The following MRPS28 variants were observed in gnomAD, a reference collection of about 807,000 sequenced individuals.
MRPS28 encodes mitochondrial ribosomal protein S28.
In MRPS28, 7 loss-of-function variants were observed where a neutral mutation model predicts 10.8. The observed-to-expected ratio is 0.65, with a 90% confidence interval of 0.37 to 1.22. The LOEUF is 1.22. MRPS28 is among the 50% of genes most tolerant of loss of function. The pLI is 0.02. For missense variants in MRPS28, 265 were observed against 232.9 expected, an observed-to-expected ratio of 1.14 and a Z score of -0.90; for synonymous variants, 121 against 93.3, an observed-to-expected ratio of 1.30 and a Z score of -1.71.
chr8:79,974,303 G>A (rs1238038813), intron 2 of MRPS28, among the ~76,000 whole-genome samples: 1 of 152,100 alleles, frequency 6.6e-6, no homozygotes, highest in African/African-American at 2.4e-5. Context: ...AACTTTGGGA[G>A]GCCGAGGTGG....
chr8:80,014,029 G>T (rs1809131122), intron 1 of MRPS28, among the ~76,000 whole-genome samples: 1 of 152,126 alleles, frequency 6.6e-6, no homozygotes, highest in Non-Finnish European at 1.5e-5. Context: ...CTTTCTAGTG[G>T]ACAGAAAGCA....
At chr8:80,002,969 C>G in intron 2 of MRPS28, 30 bp downstream of exon 2, 1 of 1,512,288 alleles carries the variant, frequency 6.6e-7, no homozygotes, top group Admixed American at 2.3e-5. Flanking sequence ...TATGAATACT[C>G]TTAAGGTACT....
At position 79,988,093 on chromosome 8, in the gene MRPS28, T is replaced by G. The variant is rs553211833; in HGVS notation, c.395+14906A>C. Among the ~76,000 whole-genome samples, 323 of 151,830 alleles carry G rather than the reference T, an allele frequency of 2.1e-3. 1 individual carries two copies. The highest frequency in any genetic ancestry group is 7.5e-3 in the African/African-American group (312 of 41,396). Reference sequence around the variant, plus strand: ...TACACCATGGAATACTATGCAGCCATAAAAAATGATGAGTTCATGTCCTTT... The same window carrying G: ...TACACCATGGAATACTATGCAGCCAGAAAAAATGATGAGTTCATGTCCTTT... On this transcript the variant is annotated intron_variant, in intron 2 of 2. Coordinates refer to ENST00000276585, the MANE Select transcript of MRPS28 (RefSeq NM_014018.3).
chr8:79,968,826 A>G (rs1312758647), intron 2 of MRPS28, among the ~76,000 whole-genome samples: 1 of 152,146 alleles, frequency 6.6e-6, no homozygotes, highest in Non-Finnish European at 1.5e-5. Flanking sequence ...AAGAGACAGT[A>G]TAGTGTGGCC....
At position 79,968,520 on chromosome 8, in the gene MRPS28, C is replaced by A. The variant is rs188597790; in HGVS notation, c.395+34479G>T. Among the ~76,000 whole-genome samples the A allele has an allele frequency of 3.7e-3, 559 of 152,240 alleles. 4 individuals carry two copies. Among genetic ancestry groups the A allele is most frequent in the Non-Finnish European group, 5.6e-3 (380 of 68,016 alleles). On this transcript the variant is annotated intron_variant, in intron 2 of 2. Transcript: ENST00000276585. ...TGTTCTATAATATAAAGTCCAGACTCCCTGAATAGAACACAAGTCAATTCA... is the reference window on the plus strand; with the variant it reads ...TGTTCTATAATATAAAGTCCAGACTACCTGAATAGAACACAAGTCAATTCA...
intron 1 of MRPS28, among the ~76,000 whole-genome samples, chr8:80,006,528 G>A (rs527480501): frequency 1.3e-5 from 2 of 152,124 alleles, no homozygotes; most frequent in Non-Finnish European, 2.9e-5. Flanking sequence ...CGCTAGCAAG[G>A]CTAATAAAGA....
intron 2 of MRPS28, among the ~76,000 whole-genome samples, chr8:79,971,808 C>T (rs950843593): frequency 2.6e-5 from 4 of 152,178 alleles, no homozygotes; most frequent in African/African-American, 9.7e-5. Context: ...AGCAATCCTC[C>T]TGCCTCAGCC....
At chr8:79,976,330 G>A (rs985835955) in intron 2 of MRPS28, among the ~76,000 whole-genome samples, 2 of 152,132 alleles carry the variant, frequency 1.3e-5, no homozygotes, top group Admixed American at 6.5e-5. Flanking sequence ...TGATCTGCCT[G>A]CCTCGGCCTC....
chr8:79,922,056 T>C (rs1810108964), intron 2 of MRPS28, among the ~76,000 whole-genome samples: 1 of 152,260 alleles, frequency 6.6e-6, no homozygotes, highest in Admixed American at 6.5e-5. Flanking sequence ...TTTTTGTCGT[T>C]GGTTCTGTTT....
chr8:79,958,363 A>C, intron 2 of MRPS28: 1 of 698,920 alleles, frequency 1.4e-6, no homozygotes. Flanking sequence ...TTCCAAAGTC[A>C]GAGTTGGAAG....
intron 2 of MRPS28, among the ~76,000 whole-genome samples, chr8:79,994,996 T>C (rs1024049708): frequency 6.6e-6 from 1 of 152,184 alleles, no homozygotes; most frequent in African/African-American, 2.4e-5. Flanking sequence ...CCAGTTCTAT[T>C]GTTAGTTCCT....
chr8:79,988,022 CA>C (rs1198533949), intron 2 of MRPS28, among the ~76,000 whole-genome samples: 2 of 151,974 alleles, frequency 1.3e-5, no homozygotes, highest in Non-Finnish European at 2.9e-5. Flanking sequence ...GGAACCAACC[CA>C]AATGTCCAAC....
At chr8:79,931,471 C>T (rs940460872) in intron 2 of MRPS28, among the ~76,000 whole-genome samples, 13 of 152,258 alleles carry the variant, frequency 8.5e-5, no homozygotes, top group South Asian at 4.1e-4. Context: ...GGATAACAAA[C>T]GGACAGTGTT....
At chr8:79,997,408 A>ACAGTGTCC in intron 2 of MRPS28, among the ~76,000 whole-genome samples, 1 of 152,290 alleles carries the variant, frequency 6.6e-6, no homozygotes, top group East Asian at 1.9e-4. Flanking sequence ...TTCCTCACAT[A>ACAGTGTCC]ACAATACCCA....
In MRPS28 at chr8:79,933,050, C is replaced by A. The variant is rs4740050; in HGVS notation, c.396-13902G>T. Among the ~76,000 whole-genome samples, 541 of 152,296 alleles carry A rather than the reference C, an allele frequency of 3.6e-3. 16 individuals are homozygous for A. Among genetic ancestry groups the A allele is most frequent in the Admixed American group, 0.033 (509 of 15,298 alleles). ...AGTTTTCAAAGATGTGCAGTGGGAT[C>A]TGGGGAAGCAAGACCTTTTTTATTT... On this transcript the variant is annotated intron_variant, in intron 2 of 2. Transcript: ENST00000276585.
intron 2 of MRPS28, among the ~76,000 whole-genome samples, chr8:79,951,578 C>G (rs964117945): frequency 6.6e-6 from 1 of 152,156 alleles, no homozygotes; most frequent in South Asian, 2.1e-4. Flanking sequence ...CAGCCAGCCC[C>G]GGCAGATCTT....
intron 2 of MRPS28, among the ~76,000 whole-genome samples, chr8:79,990,741 G>A (rs2130119564): frequency 6.6e-6 from 1 of 151,868 alleles, no homozygotes; most frequent in South Asian, 2.1e-4. Flanking sequence ...TGTAATCCTA[G>A]CACTCTGGGA....
chr8:80,002,443 T>A lies in MRPS28; in HGVS notation c.395+556A>T, dbSNP rs997130600. ...ATCTCGTTTACTATTGTTCTATTGTTTTCCCATCTCAGAATCTTAGTTCAA... is the reference window on the plus strand; with the variant it reads ...ATCTCGTTTACTATTGTTCTATTGTATTCCCATCTCAGAATCTTAGTTCAA... On this transcript the variant is annotated intron_variant, in intron 2 of 2. Coordinates refer to ENST00000276585, the MANE Select transcript of MRPS28 (RefSeq NM_014018.3). Among the ~76,000 whole-genome samples, 6 of 152,292 alleles carry A rather than the reference T, an allele frequency of 3.9e-5. No homozygotes were observed. The South Asian group carries it at 1.2e-3, about 32-fold the overall frequency.
At chr8:79,970,495 G>T (rs1235747218) in intron 2 of MRPS28, among the ~76,000 whole-genome samples, 1 of 152,114 alleles carries the variant, frequency 6.6e-6, no homozygotes, top group Non-Finnish European at 1.5e-5. Context: ...TTATCATCAA[G>T]AAGTTATGTT....
Sources: gnomAD v4.1 joint callset for allele counts (sites outside exome capture counted in the v4.1 genomes callset) on GRCh38, gnomAD v4.1.1 for gene constraint, MANE v1.5 for transcripts, NCBI Gene and HGNC (gene_info 2026-07-23, HGNC 2026-07-21) for gene names.